Variants in STK35 observed in about 807,000 individuals in gnomAD.
STK35 encodes the protein serine/threonine-protein kinase 35.
Under a neutral mutation model 37.3 loss-of-function variants are expected in STK35, and 17 were observed. The observed-to-expected ratio is 0.46, with a 90% confidence interval of 0.31 to 0.68. The LOEUF (loss-of-function observed/expected upper bound fraction) is 0.68. STK35 is among the 30% of genes least tolerant of loss of function. The pLI is 0.05. For missense variants in STK35, 595 were observed against 746.7 expected (o/e 0.80, Z 2.37); for synonymous variants, 385 against 319.1 (o/e 1.21, Z -2.20).
chr20:2,107,185 C>T lies in STK35; in HGVS notation c.892+3820C>T, dbSNP rs1471158113. On this transcript the variant is annotated intron_variant, in intron 2 of 3. Transcript: ENST00000381482. Reference sequence around the variant, plus strand: ...ACTGCCACTTAGACAGCAGGCAAGCCTGAGTCACTGTCAGTCAGAAATTCT... The same window carrying T: ...ACTGCCACTTAGACAGCAGGCAAGCTTGAGTCACTGTCAGTCAGAAATTCT... Among the ~76,000 whole-genome samples, 4 of 152,334 alleles carry T rather than the reference C, an allele frequency of 2.6e-5. No individual in the cohort carries two copies. The East Asian group carries it at 7.7e-4, about 29-fold the overall frequency.
At position 2,145,793 on chromosome 20, in the gene STK35, GTC is replaced by G. The variant is rs1429159516; in HGVS notation, c.*2053_*2054del. 1 of 152,190 alleles carries G rather than the reference GTC, an allele frequency of 6.6e-6. No homozygotes were observed. Among genetic ancestry groups the G allele is most frequent in the Non-Finnish European group, 1.5e-5 (1 of 68,158 alleles). The allele number at this position is 152,190 out of a possible 1,614,324, so 9.4% of individuals were successfully genotyped here. ...ACCCTGCCTTTCCTTGGGGGCAGCT[GTC>G]TCTCTGTACATGAGCAAATGGGCAA... On this transcript the variant is annotated 3_prime_UTR_variant, in exon 4 of 4. Transcript: ENST00000381482.
At chr20:2,113,524 A>G (rs1328983179) in intron 2 of STK35, among the ~76,000 whole-genome samples, 1 of 152,160 alleles carries the variant, frequency 6.6e-6, no homozygotes, top group East Asian at 1.9e-4. Context: ...TCAAATAGGA[A>G]TAGCCTGGTC....
chr20:2,141,161 G>A (rs751564577), intron 3 of STK35, among the ~76,000 whole-genome samples: 8 of 152,146 alleles, frequency 5.3e-5, no homozygotes, highest in Non-Finnish European at 1.2e-4. Flanking sequence ...CTGTGTCTAC[G>A]GAAAGCACGG....
intron 2 of STK35, among the ~76,000 whole-genome samples, chr20:2,104,024 C>T (rs1341809): frequency 0.3 from 45,333 of 152,098 alleles, 8,846 homozygotes; most frequent in Non-Finnish European, 0.44. Context: ...GCATCTTTTC[C>T]CTCCGTTTTA....
chr20:2,110,789 A>G (rs1985601895), intron 2 of STK35, among the ~76,000 whole-genome samples: 1 of 152,196 alleles, frequency 6.6e-6, no homozygotes, highest in Non-Finnish European at 1.5e-5. Flanking sequence ...GATGAACATT[A>G]AACTCTGGGG....
At position 2,103,811 on chromosome 20, in the gene STK35, T is replaced by A. The variant is rs190074282; in HGVS notation, c.892+446T>A. On this transcript the variant is annotated intron_variant, in intron 2 of 3. Transcript: ENST00000381482. Reference sequence around the variant, plus strand: ...ACTGGACCCACCCACACCCTCTCCCTGTCTGGTTCCAAGTTTCCTGACACC... The same window carrying A: ...ACTGGACCCACCCACACCCTCTCCCAGTCTGGTTCCAAGTTTCCTGACACC... Among the ~76,000 whole-genome samples, 11 of 152,212 alleles carry A rather than the reference T, an allele frequency of 7.2e-5. No individual in the cohort carries two copies. In the East Asian group the frequency reaches 2.1e-3, roughly 29 times the overall value.
At chr20:2,116,399 G>C (rs1985717649) in intron 2 of STK35, among the ~76,000 whole-genome samples, 1 of 152,160 alleles carries the variant, frequency 6.6e-6, no homozygotes, top group South Asian at 2.1e-4. Flanking sequence ...TTTGGAGACA[G>C]TATAATGAAA....
rs540683268 is a variant in STK35, at chr20:2,118,647, G to A, written c.*37+1232G>A. Among the ~76,000 whole-genome samples the A allele has an allele frequency of 8.0e-4, 122 of 152,296 alleles. 1 individual carries two copies. The highest frequency in any genetic ancestry group is 2.8e-3 in the African/African-American group (118 of 41,572). On this transcript the variant is annotated intron_variant, in intron 3 of 3. Coordinates refer to ENST00000381482, the MANE Select transcript of STK35 (RefSeq NM_080836.4). ...TACAGTCATGCTCCGCATGAACAAC[G>A]TTTTGGTCAAAAAGGAATGGCCTAT...
chr20:2,139,442 G>T (rs1037343159), intron 3 of STK35, among the ~76,000 whole-genome samples: 2 of 152,134 alleles, frequency 1.3e-5, no homozygotes, highest in Non-Finnish European at 2.9e-5. Flanking sequence ...TAAATGAAGG[G>T]ATTAGATGGG....
At chr20:2,129,404 C>T (rs928041049) in intron 3 of STK35, among the ~76,000 whole-genome samples, 1 of 152,046 alleles carries the variant, frequency 6.6e-6, no homozygotes, top group Non-Finnish European at 1.5e-5. Flanking sequence ...ACCACACAGG[C>T]GTTGGTTCCT....
At position 2,101,845 on chromosome 20, in the gene STK35, G is replaced by C. The variant is rs1420125645; in HGVS notation, c.-37G>C. ...CTGCTCCGTCGACCTTTGCAGGACC[G>C]GGCGGTGCAGGGCTCACTCGGCTGG... On this transcript the variant is annotated 5_prime_UTR_variant, in exon 1 of 4. Transcript: ENST00000381482. The C allele has an allele frequency of 4.5e-6, 6 of 1,324,176 alleles. No homozygotes were observed. Among genetic ancestry groups the C allele is most frequent in the Admixed American group, 3.6e-5 (1 of 27,624 alleles). The allele number at this position is 1,324,176 out of a possible 1,614,324, so 82.0% of individuals were successfully genotyped here. A position where few individuals can be genotyped will look rare whatever the true frequency, so the allele number is the denominator to read the frequency against.
At chr20:2,142,617 G>A (rs189766271) in intron 3 of STK35, among the ~76,000 whole-genome samples, 1 of 152,304 alleles carries the variant, frequency 6.6e-6, no homozygotes, top group African/African-American at 2.4e-5. Context: ...TTAGCCTGGC[G>A]TGGTGGCATG....
In STK35 at chr20:2,117,442, G is replaced by GT; in HGVS notation, c.*37+33dup. The GT allele has an allele frequency of 1.4e-6, 2 of 1,388,088 alleles. No homozygotes were observed. Among genetic ancestry groups the GT allele is most frequent in the South Asian group, 2.8e-5 (2 of 72,012 alleles). 86.0% of individuals were successfully genotyped at this position (1,388,088 alleles called of 1,614,324 possible). A position where few individuals can be genotyped will look rare whatever the true frequency, so the allele number is the denominator to read the frequency against. ...TGAGTGCTCTCTGTTGTTGTTTTTT[G>GT]TTTTTTGTTTTGAGACAGGGTCTCA... On this transcript the variant is annotated intron_variant, in intron 3 of 3. Coordinates refer to ENST00000381482, the MANE Select transcript of STK35 (RefSeq NM_080836.4). The surrounding 1 kb of genome is among the most constrained non-coding windows in gnomAD (Gnocchi z 4.4).
intron 3 of STK35, among the ~76,000 whole-genome samples, chr20:2,130,140 T>G (rs978158040): frequency 1.3e-5 from 2 of 151,924 alleles, no homozygotes; most frequent in Non-Finnish European, 2.9e-5. Context: ...AGGAGACGGT[T>G]TAGGGGAGTA....
rs1985397359 is a variant in STK35 at position 2,102,032 on chromosome 20, G to A, written c.151G>A (p.Glu51Lys). 4 of 1,527,644 alleles carry A rather than the reference G, an allele frequency of 2.6e-6. No individual in the cohort carries two copies. Among genetic ancestry groups the A allele is most frequent in the East Asian group, 2.5e-5 (1 of 40,456 alleles). 94.6% of individuals were successfully genotyped at this position (1,527,644 alleles called of 1,614,324 possible). The change falls in exon 1 of 4, where the codon GAA (glutamate) becomes AAA (lysine). Residue 51 changes from glutamate to lysine, a missense_variant. This residue lies in a region of STK35 where 389 missense variants were observed against 320.0 expected (regional missense o/e 1.22). Coordinates refer to ENST00000381482, the MANE Select transcript of STK35 (RefSeq NM_080836.4). ...QASPASAAAA[E>K]GSATRRARAA... Reference sequence around the variant, plus strand: ...TTCCCCAGCGAGCGCCGCGGCAGCAGAAGGATCCGCTACACGCCGGGCTCG... The same window carrying A: ...TTCCCCAGCGAGCGCCGCGGCAGCAAAAGGATCCGCTACACGCCGGGCTCG...
chr20:2,106,366 T>TGA (rs1482103977), intron 2 of STK35, among the ~76,000 whole-genome samples: 1 of 152,182 alleles, frequency 6.6e-6, no homozygotes, highest in Non-Finnish European at 1.5e-5. Flanking sequence ...CCAAAAAGTG[T>TGA]GAATCTGCCT....
At chr20:2,133,603 G>A (rs1480657695) in intron 3 of STK35, among the ~76,000 whole-genome samples, 4 of 152,188 alleles carry the variant, frequency 2.6e-5, no homozygotes, top group Non-Finnish European at 4.4e-5. Flanking sequence ...AGAAAGACGA[G>A]GTTTAAGTGA....
rs937141963 is a variant in STK35, at chr20:2,148,002, T to G, written c.*4256T>G. On this transcript the variant is annotated 3_prime_UTR_variant, in exon 4 of 4. Coordinates refer to ENST00000381482, the MANE Select transcript of STK35 (RefSeq NM_080836.4). ...GCCCTCAAAGGGTAACCAGTAGGTG[T>G]GGCATTGAATTGGCCAGTGTTAGCA... 3 of 152,164 alleles carry G rather than the reference T, an allele frequency of 2.0e-5. No homozygotes were observed. Among genetic ancestry groups the G allele is most frequent in the Non-Finnish European group, 2.9e-5 (2 of 68,062 alleles). The allele number at this position is 152,164 out of a possible 1,614,324, so 9.4% of individuals were successfully genotyped here. A position where few individuals can be genotyped will look rare whatever the true frequency, so the allele number is the denominator to read the frequency against.
intron 3 of STK35, among the ~76,000 whole-genome samples, chr20:2,125,143 A>G (rs1296635251): frequency 6.6e-6 from 1 of 152,140 alleles, no homozygotes. Context: ...CCTTTGGGCA[A>G]ATCAGAGTGG....
Sources: allele counts gnomAD v4.1 joint callset (sites outside exome capture counted in the v4.1 genomes callset), GRCh38; gene constraint gnomAD v4.1.1; regional missense constraint gnomAD v4.1.1; non-coding constraint Gnocchi (gnomAD v3.1); transcripts MANE v1.5; gene names NCBI Gene and HGNC (gene_info 2026-07-23, HGNC 2026-07-21).